NLGN1: variants seen among roughly 807,000 people sequenced by gnomAD.
The protein encoded by NLGN1 is neuroligin-1.
A neutral mutation model predicts 65.5 loss-of-function variants in NLGN1; 12 were observed. The observed-to-expected ratio is 0.18, with a 90% CI of 0.12 to 0.30. The LOEUF (loss-of-function observed/expected upper bound fraction) is 0.30, where lower values mean the gene tolerates loss of function less well. NLGN1 is among the 10% of genes least tolerant of loss of function. The probability of loss-of-function intolerance (pLI) is 1.00; values close to 1 mark genes in which losing one functional copy is unlikely to be tolerated. For synonymous variants in NLGN1, 350 were observed against 359.5 expected (o/e 0.97, Z 0.30); for missense variants, 750 against 1,007.1 (o/e 0.74, Z 3.46).
chr3:173,989,519 A>G (rs1333941503), intron 4 of NLGN1, among the ~76,000 whole-genome samples: 1 of 152,200 alleles, frequency 6.6e-6, no homozygotes, highest in Non-Finnish European at 1.5e-5. Flanking sequence ...AATTCTGATG[A>G]TGCAGTGAAT....
In NLGN1 at chr3:174,086,914, G is replaced by A. The variant is rs538137041; in HGVS notation, c.647-188401G>A. ...TTCAGAATCTTTTAGCATCCAAAAT[G>A]TAATCTGGAAATGTGGTGTAAAATA... is the stretch of plus-strand genomic sequence containing the variant. On this transcript the variant is annotated intron_variant, in intron 4 of 6. Transcript: ENST00000457714. Among the ~76,000 whole-genome samples the A allele has an allele frequency of 7.2e-5, 11 of 152,162 alleles. 1 individual carries two copies. In the South Asian group the frequency reaches 2.3e-3, roughly 32 times the overall value.
intron 4 of NLGN1, among the ~76,000 whole-genome samples, chr3:173,917,134 T>G (rs1302317245): frequency 6.6e-6 from 1 of 152,188 alleles, no homozygotes; most frequent in Non-Finnish European, 1.5e-5. Context: ...AACTATATAA[T>G]GGAAATTAGT....
intron 3 of NLGN1, among the ~76,000 whole-genome samples, chr3:173,789,153 C>T (rs567841956): frequency 1.5e-4 from 22 of 150,712 alleles, no homozygotes; most frequent in Non-Finnish European, 2.4e-4. Flanking sequence ...GAGCTGAGAT[C>T]GCGCCACTGC....
chr3:173,822,079 A>G lies in NLGN1; in HGVS notation c.646+14247A>G, dbSNP rs77653719. 7.5e-3 allele frequency among the ~76,000 whole-genome samples: 1,135 copies of G among 152,302 alleles called. 16 individuals are homozygous for G. The highest frequency in any genetic ancestry group is 0.025 in the African/African-American group (1,027 of 41,568). On this transcript the variant is annotated intron_variant, in intron 4 of 6. Coordinates refer to ENST00000457714, the Ensembl canonical transcript of NLGN1. ...ACAAGTCTTCAGAGAAATCAAAGTT[A>G]TTCTAGGCACTAAGCTCTGCAAAAG...
intron 3 of NLGN1, among the ~76,000 whole-genome samples, chr3:173,611,222 C>A (rs566983890): frequency 1.3e-5 from 2 of 152,126 alleles, no homozygotes; most frequent in South Asian, 4.1e-4. Flanking sequence ...ATGGTCTAGA[C>A]ATCATGGCAT....
intron 3 of NLGN1, among the ~76,000 whole-genome samples, chr3:173,643,949 C>T (rs1242467448): frequency 6.6e-6 from 1 of 152,032 alleles, no homozygotes; most frequent in East Asian, 1.9e-4. Flanking sequence ...AACAGGATGC[C>T]CAAATAAAAG....
At chr3:173,711,688 T>A (rs1199786986) in intron 3 of NLGN1, among the ~76,000 whole-genome samples, 1 of 152,130 alleles carries the variant, frequency 6.6e-6, no homozygotes, top group Non-Finnish European at 1.5e-5. Context: ...TACCTGTTCT[T>A]ATGAGGTAAG....
chr3:174,139,060 G>A (rs1046700470), intron 4 of NLGN1, among the ~76,000 whole-genome samples: 2 of 151,748 alleles, frequency 1.3e-5, no homozygotes, highest in Non-Finnish European at 2.9e-5. Context: ...TAAAATCTAT[G>A]TTGTACTAAA....
At chr3:173,491,910 C>T (rs1729233075) in intron 2 of NLGN1, among the ~76,000 whole-genome samples, 1 of 151,714 alleles carries the variant, frequency 6.6e-6, no homozygotes, top group South Asian at 2.1e-4. Context: ...TATGCTATAA[C>T]ACCACTCACC....
intron 3 of NLGN1, among the ~76,000 whole-genome samples, chr3:173,773,526 A>T (rs1313757934): frequency 2.0e-5 from 3 of 152,168 alleles, no homozygotes; most frequent in Non-Finnish European, 4.4e-5. Context: ...TATTGATTTT[A>T]ACTTACCTGT....
At chr3:173,804,657 C>CAAAA (rs34786560) in intron 3 of NLGN1, among the ~76,000 whole-genome samples, 4 of 138,012 alleles carry the variant, frequency 2.9e-5, no homozygotes, top group Non-Finnish European at 6.2e-5. Flanking sequence ...CTATTTACAT[C>CAAAA]AAAAAAAAAA....
chr3:173,942,412 G>C (rs903495611), intron 4 of NLGN1, among the ~76,000 whole-genome samples: 2 of 151,962 alleles, frequency 1.3e-5, no homozygotes, highest in African/African-American at 4.8e-5. Flanking sequence ...ATTCAGTGAC[G>C]ACTGACCTAG....
At chr3:174,005,013 T>G (rs1441779994) in intron 4 of NLGN1, among the ~76,000 whole-genome samples, 1 of 152,176 alleles carries the variant, frequency 6.6e-6, no homozygotes, top group Non-Finnish European at 1.5e-5. Flanking sequence ...TCCGTCTGGG[T>G]CAAATCCAGT....
intron 4 of NLGN1, among the ~76,000 whole-genome samples, chr3:174,169,944 G>A (rs1040807585): frequency 2.0e-5 from 3 of 152,082 alleles, no homozygotes; most frequent in Non-Finnish European, 4.4e-5. Context: ...CCTGTCCCTC[G>A]ACCTGGGTTG....
chr3:174,281,342 C>T, exon 7 of NLGN1: 1 of 1,309,258 alleles, frequency 7.6e-7, no homozygotes, highest in South Asian at 1.3e-5. Flanking sequence ...TGATGGATTG[C>T]AGTAAACGAT....
rs71162367 is a variant in NLGN1 at position 173,852,355 on chromosome 3, C to CAAAA, written c.646+44553_646+44556dup. On this transcript the variant is annotated intron_variant, in intron 4 of 6. Coordinates refer to ENST00000457714, the Ensembl canonical transcript of NLGN1. ...TGGGCAACAGAGCGAGACTCCGTCT[C>CAAAA]AAAAAAAAAAAAAAAAAAAAAAAAA... 3.6e-3 allele frequency among the ~76,000 whole-genome samples: 167 copies of CAAAA among 46,670 alleles called. 6 individuals carry two copies. The highest frequency in any genetic ancestry group is 8.6e-3 in the East Asian group (9 of 1,046). 30.6% of individuals were successfully genotyped at this position (46,670 alleles called of 152,430 possible).
chr3:173,999,914 T>C (rs983276165), intron 4 of NLGN1, among the ~76,000 whole-genome samples: 4 of 151,720 alleles, frequency 2.6e-5, no homozygotes, highest in African/African-American at 9.7e-5. Flanking sequence ...CGTTAAACAA[T>C]GTAGTAACTG....
intron 2 of NLGN1, among the ~76,000 whole-genome samples, chr3:173,492,455 AT>A (rs757224876): frequency 1.4e-4 from 22 of 151,784 alleles, no homozygotes; most frequent in Admixed American, 2.0e-4. Flanking sequence ...TTATGGGTCA[AT>A]CAAGCTGTAT....
chr3:174,105,881 C>G (rs1396290675), intron 4 of NLGN1, among the ~76,000 whole-genome samples: 1 of 152,052 alleles, frequency 6.6e-6, no homozygotes, highest in East Asian at 1.9e-4. Context: ...GCTACACTAT[C>G]CCATGGCCAT....
Sources: allele counts gnomAD v4.1 joint callset (sites outside exome capture counted in the v4.1 genomes callset), GRCh38; gene constraint gnomAD v4.1.1; transcripts MANE v1.5; gene names NCBI Gene and HGNC (gene_info 2026-07-23, HGNC 2026-07-21).